TBX18: variants seen among roughly 807,000 people sequenced by gnomAD.
The protein encoded by TBX18 is T-box transcription factor 18, also known as T-box transcription factor TBX18.
Under a neutral mutation model 55.0 loss-of-function variants are expected in TBX18, and 21 were observed. That is an observed-to-expected ratio of 0.38 (90% CI 0.27 to 0.55). The LOEUF is 0.55. TBX18 is among the 20% of genes least tolerant of loss of function. The pLI is 0.73. For synonymous variants in TBX18, 342 were observed against 326.1 expected, an observed-to-expected ratio of 1.05 and a Z score of -0.53; for missense variants, 840 against 799.6, an observed-to-expected ratio of 1.05 and a Z score of -0.61.
chr6:84,733,077 C>T lies in TBX18; in HGVS notation c.*3608G>A, dbSNP rs1294973998. On this transcript the variant is annotated 3_prime_UTR_variant, in exon 8 of 8. Coordinates refer to ENST00000369663, the MANE Select transcript of TBX18 (RefSeq NM_001080508.3). ...GTCTCAAACTAAGTTCTCTAATTCC[C>T]GAGGACATGTTATTCTCATCATACC... 1 of 151,898 alleles carries T rather than the reference C, an allele frequency of 6.6e-6. No homozygotes were observed. The highest frequency in any genetic ancestry group is 1.5e-5 in the Non-Finnish European group (1 of 67,958). The allele number at this position is 151,898 out of a possible 1,614,324, so 9.4% of individuals were successfully genotyped here. A position where few individuals can be genotyped will look rare whatever the true frequency, so the allele number is the denominator to read the frequency against.
intron 6 of TBX18, among the ~76,000 whole-genome samples, chr6:84,742,980 C>G (rs916321233): frequency 1.3e-5 from 2 of 149,322 alleles, no homozygotes; most frequent in Admixed American, 6.7e-5. Context: ...ACAAGGTTAA[C>G]CAGGAGCTAA....
intron 6 of TBX18, among the ~76,000 whole-genome samples, chr6:84,739,645 C>G (rs1019063788): frequency 3.9e-5 from 6 of 152,124 alleles, no homozygotes; most frequent in African/African-American, 9.7e-5. Flanking sequence ...CCTGGGATAT[C>G]CAATAATAGA....
rs985556797 is a variant in TBX18, at chr6:84,764,412, G to C, written c.-231C>G. 1 of 560,308 alleles carries C rather than the reference G, an allele frequency of 1.8e-6. No individual in the cohort carries two copies. The highest frequency in any genetic ancestry group is 2.0e-5 in the African/African-American group (1 of 50,172). The allele number at this position is 560,308 out of a possible 1,614,324, so 34.7% of individuals were successfully genotyped here. The stretch of plus-strand genomic sequence containing the variant: ...GTCTCCTTTCCTGGGTCTCTCTCGC[G>C]CGCTCTCTCACTGATGCACTCCTTT... On this transcript the variant is annotated 5_prime_UTR_variant, in exon 1 of 8. Coordinates refer to ENST00000369663, the MANE Select transcript of TBX18 (RefSeq NM_001080508.3).
chr6:84,763,717 C>T (rs961521210), intron 1 of TBX18, among the ~76,000 whole-genome samples, 173 bp downstream of exon 1: 12 of 152,174 alleles, frequency 7.9e-5, no homozygotes, highest in African/African-American at 2.7e-4. Context: ...AGTATCTGAA[C>T]CGTCTGGAGG....
At position 84,735,615 on chromosome 6, in the gene TBX18, A is replaced by AG. The variant is rs1325530594; in HGVS notation, c.*1069dup. On this transcript the variant is annotated 3_prime_UTR_variant, in exon 8 of 8. Transcript: ENST00000369663. ...GACGGACAAGGTTAAGAAGGGGAAA[A>AG]GGGTTCAATGTGTAGGAATTACAAG... The AG allele has an allele frequency of 3.3e-5, 5 of 152,214 alleles. No homozygotes were observed. Among genetic ancestry groups the AG allele is most frequent in the African/African-American group, 1.2e-4 (5 of 41,454 alleles). The allele number at this position is 152,214 out of a possible 1,614,324, so 9.4% of individuals were successfully genotyped here.
chr6:84,744,397 A>G, intron 5 of TBX18, 72 bp from the exon 6 acceptor site: 1 of 1,330,964 alleles, frequency 7.5e-7, no homozygotes, highest in Non-Finnish European at 1.1e-6. Context: ...TTGCAAAACT[A>G]CAATGAGTCA....
At chr6:84,757,388 T>G (rs1767522184) in intron 3 of TBX18, among the ~76,000 whole-genome samples, 1 of 152,222 alleles carries the variant, frequency 6.6e-6, no homozygotes, top group Admixed American at 6.5e-5. Flanking sequence ...GAAACTTTTA[T>G]TTTAATAGGA....
chr6:84,752,973 A>AT (rs1320895933), intron 4 of TBX18, among the ~76,000 whole-genome samples: 1 of 152,172 alleles, frequency 6.6e-6, no homozygotes, highest in African/African-American at 2.4e-5. Context: ...CAGATGGAAA[A>AT]TTCCAGAGGA....
Position 84,763,907 on chromosome 6 carries a change from A to G in TBX18, c.275T>C (p.Leu92Pro). 2 of 1,536,606 alleles carry G rather than the reference A, an allele frequency of 1.3e-6. No homozygotes were observed. Among genetic ancestry groups the G allele is most frequent in the Non-Finnish European group, 1.7e-6 (2 of 1,150,724 alleles). The change falls in exon 1 of 8, where the codon CTG (leucine) becomes CCG (proline). Residue 92 changes from leucine (L) to proline (P), a missense_variant. Transcript: ENST00000369663. ...CCACTCACCCGCGGCTCCGCGCTCC[A>G]GGTCTGCGCCACTCCGAGCCGGCCC... ...TSGPARSGAD[L>P]ERGAAGGCED...
chr6:84,761,906 G>A (rs1037970913), intron 2 of TBX18, among the ~76,000 whole-genome samples: 5 of 152,078 alleles, frequency 3.3e-5, no homozygotes, highest in African/African-American at 1.2e-4. Flanking sequence ...AAATAACCAG[G>A]TACTCTAAAT....
intron 4 of TBX18, among the ~76,000 whole-genome samples, chr6:84,752,445 A>T (rs1352699197): frequency 1.3e-5 from 2 of 152,210 alleles, no homozygotes; most frequent in East Asian, 3.8e-4. Context: ...AAATGGTAGG[A>T]ATCAAGGCTG....
chr6:84,738,121 T>C (rs1246369746), intron 7 of TBX18, among the ~76,000 whole-genome samples: 3 of 152,100 alleles, frequency 2.0e-5, no homozygotes, highest in Non-Finnish European at 4.4e-5. Flanking sequence ...AGGAGAACCC[T>C]ACCCAGAGGC....
intron 6 of TBX18, among the ~76,000 whole-genome samples, chr6:84,739,180 G>A (rs1265892275): frequency 6.6e-6 from 1 of 151,822 alleles, no homozygotes; most frequent in Non-Finnish European, 1.5e-5. Context: ...GGGCCATGAA[G>A]AAACAGCACT....
intron 4 of TBX18, 45 bp downstream of exon 4, chr6:84,756,653 G>T: frequency 6.4e-7 from 1 of 1,560,888 alleles, no homozygotes; most frequent in South Asian, 1.1e-5. Context: ...CAGTGTAGAT[G>T]TGGCTGTGCC....
chr6:84,741,359 C>T (rs1767043696), intron 6 of TBX18: 1 of 152,106 alleles, frequency 6.6e-6, no homozygotes, highest in Non-Finnish European at 1.5e-5. Flanking sequence ...TTATGTTTTT[C>T]CTGAAGTATT....
chr6:84,758,456 T>C (rs1041186782), intron 3 of TBX18, among the ~76,000 whole-genome samples: 2 of 151,348 alleles, frequency 1.3e-5, no homozygotes, highest in African/African-American at 2.4e-5. Flanking sequence ...TTCTTTTAAG[T>C]GGTATGATGT....
At chr6:84,757,375 C>A (rs1222896691) in intron 3 of TBX18, among the ~76,000 whole-genome samples, 1 of 152,100 alleles carries the variant, frequency 6.6e-6, no homozygotes, top group African/African-American at 2.4e-5. Flanking sequence ...GTCAGAAGTT[C>A]TAGAAACTTT....
intron 4 of TBX18, among the ~76,000 whole-genome samples, chr6:84,754,932 G>A (rs1465248158): frequency 6.6e-6 from 1 of 152,178 alleles, no homozygotes; most frequent in Non-Finnish European, 1.5e-5. Context: ...CCAGGTGGCT[G>A]TGCAGATTTC....
chr6:84,739,884 A>C (rs1767002987), intron 6 of TBX18, among the ~76,000 whole-genome samples: 1 of 152,194 alleles, frequency 6.6e-6, no homozygotes, highest in Non-Finnish European at 1.5e-5. Flanking sequence ...TTACTTCCTT[A>C]GAGTGTTCAG....
Sources: allele counts gnomAD v4.1 joint callset (sites outside exome capture counted in the v4.1 genomes callset), GRCh38; gene constraint gnomAD v4.1.1; transcripts MANE v1.5; gene names NCBI Gene and HGNC (gene_info 2026-07-23, HGNC 2026-07-21).